EPS15: variants seen among roughly 807,000 people sequenced by gnomAD.
EPS15 encodes the protein epidermal growth factor receptor pathway substrate 15.
Under a neutral mutation model 113.8 loss-of-function variants are expected in EPS15, and 72 were observed. The ratio of observed to expected loss-of-function variants is 0.63; its 90% CI spans 0.52 to 0.77. EPS15 has a LOEUF of 0.77. Ranked by LOEUF, EPS15 falls within the 30% of genes least tolerant of loss-of-function variation. The pLI is 0.00. For synonymous variants in EPS15, 344 were observed against 363.4 expected (o/e 0.95, Z 0.61); for missense variants, 1,048 against 1,045.8 (o/e 1.00, Z -0.03).
intron 21 of EPS15, among the ~76,000 whole-genome samples, chr1:51,393,096 T>A (rs531178197): frequency 6.6e-6 from 1 of 152,346 alleles, no homozygotes; most frequent in East Asian, 1.9e-4. Flanking sequence ...ATATCTCCTT[T>A]TTGTATTCCT....
At chr1:51,490,809 C>T (rs1419583277) in intron 1 of EPS15, among the ~76,000 whole-genome samples, 1 of 152,068 alleles carries the variant, frequency 6.6e-6, no homozygotes, top group African/African-American at 2.4e-5. Context: ...AATAAAACTG[C>T]ATATGGATAG....
At chr1:51,498,080 T>A (rs1453723872) in intron 1 of EPS15, among the ~76,000 whole-genome samples, 1 of 152,130 alleles carries the variant, frequency 6.6e-6, no homozygotes, top group Non-Finnish European at 1.5e-5. Context: ...ACCCCCCTTT[T>A]CCAACTAGTC....
At chr1:51,488,737 TCTC>T (rs144986372) in intron 1 of EPS15, among the ~76,000 whole-genome samples, 2,139 of 152,210 alleles carry the variant, frequency 0.014, 53 homozygotes, top group African/African-American at 0.049. Flanking sequence ...ACACCCAGCC[TCTC>T]CTCCTTTCTT....
chr1:51,506,127 T>C (rs994081611), intron 1 of EPS15, among the ~76,000 whole-genome samples: 2 of 152,186 alleles, frequency 1.3e-5, no homozygotes, highest in Admixed American at 6.5e-5. Flanking sequence ...CCTCAGGTGA[T>C]CCTCCCACCT....
chr1:51,410,392 C>T (rs921217355), intron 13 of EPS15, among the ~76,000 whole-genome samples: 1 of 97,762 alleles, frequency 1.0e-5, no homozygotes, highest in African/African-American at 3.6e-5. Context: ...ACACTGTCTC[C>T]AAAAAAAAAA....
At chr1:51,439,641 C>T (rs1570309317) in intron 12 of EPS15, among the ~76,000 whole-genome samples, 1 of 152,036 alleles carries the variant, frequency 6.6e-6, no homozygotes, top group East Asian at 1.9e-4. Flanking sequence ...ATAATATCTG[C>T]TATACTCAGA....
At chr1:51,447,990 G>C in intron 9 of EPS15, 56 bp downstream of exon 9, 2 of 1,596,200 alleles carry the variant, frequency 1.3e-6, no homozygotes, top group Non-Finnish European at 1.7e-6. Flanking sequence ...GGAGTGGTAA[G>C]ATTCCTTGGC....
At chr1:51,476,087 T>C (rs549957218) in intron 2 of EPS15, among the ~76,000 whole-genome samples, 42 of 152,356 alleles carry the variant, frequency 2.8e-4, no homozygotes, top group African/African-American at 9.6e-4. Context: ...ACTGCAGCCT[T>C]GTAGCATAGT....
chr1:51,442,268 T>C (rs998722930), intron 11 of EPS15, among the ~76,000 whole-genome samples: 1 of 152,148 alleles, frequency 6.6e-6, no homozygotes, highest in African/African-American at 2.4e-5. Flanking sequence ...TTGGTCTCAC[T>C]TTTATCAGCA....
chr1:51,365,185 G>A (rs1367831409), intron 22 of EPS15, among the ~76,000 whole-genome samples: 1 of 152,154 alleles, frequency 6.6e-6, no homozygotes, highest in Non-Finnish European at 1.5e-5. Flanking sequence ...TGTAACAAAA[G>A]ATTAACTTTT....
intron 1 of EPS15, among the ~76,000 whole-genome samples, chr1:51,508,360 G>GAA (rs1342146892): frequency 7.4e-5 from 11 of 149,560 alleles, no homozygotes; most frequent in African/African-American, 2.7e-4. Flanking sequence ...AAGAAAGAAA[G>GAA]AAAGAAAGAA....
intron 21 of EPS15, among the ~76,000 whole-genome samples, chr1:51,374,561 G>A (rs184243058): frequency 7.9e-5 from 12 of 152,188 alleles, no homozygotes; most frequent in East Asian, 3.9e-4. Flanking sequence ...CTGAGATTGC[G>A]CCATTGCACT....
In EPS15 at chr1:51,435,658, C is replaced by G. The variant is rs148798169; in HGVS notation, c.1040+4689G>C. Among the ~76,000 whole-genome samples the G allele has an allele frequency of 1.1e-3, 163 of 152,338 alleles. 1 individual carries two copies. Among genetic ancestry groups the G allele is most frequent in the African/African-American group, 3.9e-3 (161 of 41,568 alleles). On this transcript the variant is annotated intron_variant, in intron 12 of 24. Transcript: ENST00000371733. Reference sequence around the variant, plus strand: ...TACTTTGCGTCATTCATTCAACCAACTAGCCTATTCCTCGGTGTTAAGTAA... The same window carrying G: ...TACTTTGCGTCATTCATTCAACCAAGTAGCCTATTCCTCGGTGTTAAGTAA...
At chr1:51,370,438 T>C (rs1646618587) in intron 21 of EPS15, among the ~76,000 whole-genome samples, 2 of 152,288 alleles carry the variant, frequency 1.3e-5, no homozygotes, top group South Asian at 4.1e-4. Flanking sequence ...AATGCTCCAA[T>C]AAGCATTTCC....
intron 24 of EPS15, among the ~76,000 whole-genome samples, chr1:51,358,714 T>TTG (rs1553184494): frequency 2.0e-5 from 3 of 149,342 alleles, no homozygotes; most frequent in African/African-American, 5.0e-5. Flanking sequence ...TTTTTGTTTT[T>TTG]TTTTTTTTTT....
At chr1:51,410,387 G>C (rs1649592732) in intron 13 of EPS15, among the ~76,000 whole-genome samples, 1 of 142,790 alleles carries the variant, frequency 7.0e-6, no homozygotes, top group African/African-American at 2.7e-5. Flanking sequence ...GTGAGACACT[G>C]TCTCCAAAAA....
At chr1:51,481,823 C>A (rs991493636) in intron 1 of EPS15, among the ~76,000 whole-genome samples, 1 of 152,186 alleles carries the variant, frequency 6.6e-6, no homozygotes, top group African/African-American at 2.4e-5. Context: ...ATTCACACTA[C>A]AGTTCAAAGA....
intron 21 of EPS15, among the ~76,000 whole-genome samples, chr1:51,380,038 A>T (rs1051882332): frequency 3.3e-5 from 5 of 149,418 alleles, no homozygotes; most frequent in African/African-American, 1.2e-4. Context: ...TCCAGCCTGG[A>T]GTGAGACTCT....
At chr1:51,487,900 C>T (rs1041629690) in intron 1 of EPS15, among the ~76,000 whole-genome samples, 14 of 151,960 alleles carry the variant, frequency 9.2e-5, no homozygotes, top group African/African-American at 3.1e-4. Flanking sequence ...GTAAAATTGG[C>T]TTTTGTTGTT....
Sources: gnomAD v4.1 joint callset for allele counts (sites outside exome capture counted in the v4.1 genomes callset) on GRCh38, gnomAD v4.1.1 for gene constraint, MANE v1.5 for transcripts, NCBI Gene and HGNC (gene_info 2026-07-23, HGNC 2026-07-21) for gene names.